PCDH9: variants seen among roughly 807,000 people sequenced by gnomAD.
PCDH9 encodes the protein protocadherin 9, also known as protocadherin-9.
PCDH9 carries 24 observed loss-of-function variants against 70.6 expected under a neutral mutation model. That is an observed-to-expected ratio of 0.34 (90% CI 0.25 to 0.48). The LOEUF is 0.48. Among genes scored for constraint, PCDH9 ranks in the 20% least tolerant of loss-of-function variants. The pLI is 0.99. For missense variants in PCDH9, 1,281 were observed against 1,503.6 expected (o/e 0.85, Z 2.45); for synonymous variants, 562 against 558.5 (o/e 1.01, Z -0.09).
At chr13:66,800,547 G>A (rs1309346796) in intron 3 of PCDH9, among the ~76,000 whole-genome samples, 4 of 152,036 alleles carry the variant, frequency 2.6e-5, no homozygotes, top group Non-Finnish European at 5.9e-5. Context: ...AAAATCTCCA[G>A]TGCCTAGAAT....
intron 4 of PCDH9, among the ~76,000 whole-genome samples, chr13:66,474,898 C>A (rs1003594774): frequency 6.6e-6 from 1 of 152,040 alleles, no homozygotes; most frequent in Non-Finnish European, 1.5e-5. Flanking sequence ...GAAGACATTA[C>A]CTAGAGTCTC....
At chr13:66,551,752 T>A (rs796765676) in intron 4 of PCDH9, among the ~76,000 whole-genome samples, 21 of 152,268 alleles carry the variant, frequency 1.4e-4, no homozygotes, top group African/African-American at 5.1e-4. Flanking sequence ...AAATTATATT[T>A]TTTTCATCTT....
chr13:66,703,954 A>G (rs545932146), intron 3 of PCDH9, among the ~76,000 whole-genome samples: 268 of 152,310 alleles, frequency 1.8e-3, no homozygotes, highest in African/African-American at 6.1e-3. Context: ...AAATCTTTGT[A>G]GCCATACATT....
At chr13:66,962,037 G>A (rs1026257903) in intron 2 of PCDH9, among the ~76,000 whole-genome samples, 8 of 149,926 alleles carry the variant, frequency 5.3e-5, no homozygotes, top group African/African-American at 2.0e-4. Context: ...GCGACAGAGC[G>A]AGACCCCATC....
intron 4 of PCDH9, among the ~76,000 whole-genome samples, chr13:66,474,962 G>A (rs1958693091): frequency 6.6e-6 from 1 of 151,996 alleles, no homozygotes; most frequent in South Asian, 2.1e-4. Flanking sequence ...GTCTACAGCT[G>A]CAATTTTCTC....
intron 4 of PCDH9, among the ~76,000 whole-genome samples, chr13:66,624,072 A>G (rs2077468425): frequency 6.6e-6 from 1 of 152,216 alleles, no homozygotes; most frequent in African/African-American, 2.4e-5. Context: ...GAAATATCAG[A>G]TACAGAAATA....
chr13:66,369,514 C>T (rs539304937), intron 4 of PCDH9, among the ~76,000 whole-genome samples: 24 of 152,170 alleles, frequency 1.6e-4, no homozygotes, highest in Admixed American at 1.2e-3. Context: ...GAGTTCTCTG[C>T]ATTCCTGCAC....
chr13:66,803,830 G>A (rs2080365936), intron 3 of PCDH9, among the ~76,000 whole-genome samples: 1 of 152,152 alleles, frequency 6.6e-6, no homozygotes, highest in South Asian at 2.1e-4. Context: ...CTAAAAATGT[G>A]TAGCATAACT....
rs1179801334 is a variant in PCDH9, at chr13:66,700,950, A to G, written c.3139-69539T>C. Among the ~76,000 whole-genome samples the G allele has an allele frequency of 7.6e-4, 102 of 133,504 alleles. 3 individuals are homozygous for G. The highest frequency in any genetic ancestry group is 3.9e-3 in the Middle Eastern group (1 of 254). The allele number at this position is 133,504 out of a possible 152,430, so 87.6% of individuals were successfully genotyped here. On this transcript the variant is annotated intron_variant, in intron 3 of 4. Transcript: ENST00000377865. ...TATATATATATATATATATATATAT[A>G]TATATATATATATATATATACTTTT...
intron 3 of PCDH9, among the ~76,000 whole-genome samples, chr13:66,848,791 G>GTA (rs1460490263): frequency 0.011 from 1,617 of 152,018 alleles, 25 homozygotes; most frequent in African/African-American, 0.037. Context: ...AGCCGGGCAG[G>GTA]GTGGCGGGCA....
intron 2 of PCDH9, among the ~76,000 whole-genome samples, chr13:67,132,376 A>T (rs2087130151): frequency 6.6e-6 from 1 of 152,122 alleles, no homozygotes; most frequent in African/African-American, 2.4e-5. Flanking sequence ...CTTCCAGTCC[A>T]CAATTAAAAG....
intron 3 of PCDH9, among the ~76,000 whole-genome samples, chr13:66,901,089 G>T (rs1302089814): frequency 6.6e-6 from 1 of 151,408 alleles, no homozygotes; most frequent in African/African-American, 2.4e-5. Context: ...CATTTATACA[G>T]AAACCTTGCA....
chr13:66,331,930 T>C (rs1038820346), intron 4 of PCDH9, among the ~76,000 whole-genome samples: 12 of 152,176 alleles, frequency 7.9e-5, no homozygotes, highest in African/African-American at 2.9e-4. Flanking sequence ...AAGGTAGGAT[T>C]CTGTATGTTG....
chr13:66,691,165 C>A (rs1482992069), intron 3 of PCDH9, among the ~76,000 whole-genome samples: 1 of 152,004 alleles, frequency 6.6e-6, no homozygotes, highest in East Asian at 1.9e-4. Flanking sequence ...GCCTCCCAAG[C>A]AGCTGGAATT....
At chr13:66,815,810 G>A (rs187498538) in intron 3 of PCDH9, among the ~76,000 whole-genome samples, 13 of 152,202 alleles carry the variant, frequency 8.5e-5, no homozygotes, top group Non-Finnish European at 1.6e-4. Flanking sequence ...TACCTATCAA[G>A]TACTGTGCTT....
chr13:66,833,073 T>C (rs2080956344), intron 3 of PCDH9, among the ~76,000 whole-genome samples: 1 of 152,134 alleles, frequency 6.6e-6, no homozygotes, highest in Admixed American at 6.6e-5. Context: ...TTTTAAATCG[T>C]ATACTCTACC....
chr13:66,360,816 T>C (rs1956458856), intron 4 of PCDH9, among the ~76,000 whole-genome samples: 1 of 152,084 alleles, frequency 6.6e-6, no homozygotes. Context: ...AATACCTTTC[T>C]AACAGTTCTT....
At chr13:66,977,861 C>T (rs1219427515) in intron 2 of PCDH9, among the ~76,000 whole-genome samples, 1 of 151,932 alleles carries the variant, frequency 6.6e-6, no homozygotes, top group Non-Finnish European at 1.5e-5. Context: ...CACCAGATTT[C>T]GCATAGAAAA....
intron 2 of PCDH9, among the ~76,000 whole-genome samples, chr13:66,959,763 AAG>A (rs1427288470): frequency 2.6e-5 from 4 of 151,798 alleles, no homozygotes; most frequent in Non-Finnish European, 4.4e-5. Flanking sequence ...AAAAAAAAAA[AAG>A]AAAGAAAAAA....
Sources: gnomAD v4.1 joint callset for allele counts (sites outside exome capture counted in the v4.1 genomes callset) on GRCh38, gnomAD v4.1.1 for gene constraint, MANE v1.5 for transcripts, NCBI Gene and HGNC (gene_info 2026-07-23, HGNC 2026-07-21) for gene names.